SLMAP: variants seen among roughly 807,000 people sequenced by gnomAD.
The protein encoded by SLMAP is sarcolemmal membrane-associated protein.
A neutral mutation model predicts 128.8 loss-of-function variants in SLMAP; 44 were observed. The observed-to-expected ratio is 0.34, with a 90% CI of 0.27 to 0.44. The LOEUF (loss-of-function observed/expected upper bound fraction) is 0.44. Ranked by LOEUF, SLMAP falls within the 20% of genes least tolerant of loss-of-function variation. The probability of loss-of-function intolerance (pLI) is 1.00; values close to 1 mark genes in which losing one functional copy is unlikely to be tolerated. For missense variants in SLMAP, 787 were observed against 985.3 expected, an observed-to-expected ratio of 0.80 and a Z score of 2.69; for synonymous variants, 327 against 348.8, an observed-to-expected ratio of 0.94 and a Z score of 0.70.
intron 24 of SLMAP, 21 bp from the exon 25 acceptor site, chr3:57,927,275 T>C (rs749897257): frequency 6.4e-7 from 1 of 1,559,878 alleles, no homozygotes; most frequent in Non-Finnish European, 8.8e-7. Context: ...TGATATTGAC[T>C]CTTGGTTTCT....
intron 2 of SLMAP, among the ~76,000 whole-genome samples, chr3:57,779,821 TATC>T (rs1396606881): frequency 6.6e-6 from 1 of 152,048 alleles, no homozygotes; most frequent in Non-Finnish European, 1.5e-5. Flanking sequence ...TGGTAGACCT[TATC>T]ATCAAATCCA....
At chr3:57,847,133 C>G in intron 4 of SLMAP, 64 bp from the exon 5 acceptor site, 2 of 978,322 alleles carry the variant, frequency 2.0e-6, no homozygotes, top group Non-Finnish European at 3.2e-6. Context: ...TATTCTGGTG[C>G]TCTCATACTC....
At chr3:57,811,397 A>G (rs889937541) in intron 2 of SLMAP, among the ~76,000 whole-genome samples, 6 of 152,178 alleles carry the variant, frequency 3.9e-5, no homozygotes, top group African/African-American at 1.2e-4. Flanking sequence ...AGGTTAATCC[A>G]TGTTGTAGCA....
At chr3:57,878,305 C>T (rs1428609050) in intron 14 of SLMAP, among the ~76,000 whole-genome samples, 1 of 152,156 alleles carries the variant, frequency 6.6e-6, no homozygotes, top group East Asian at 1.9e-4. Context: ...CAGAGCCTCT[C>T]CTATGAGGTT....
chr3:57,828,337 A>G (rs559664095), intron 2 of SLMAP, among the ~76,000 whole-genome samples: 3 of 152,224 alleles, frequency 2.0e-5, no homozygotes, highest in Non-Finnish European at 4.4e-5. Context: ...AGACTGATTA[A>G]TGGTAAATTG....
intron 2 of SLMAP, among the ~76,000 whole-genome samples, chr3:57,798,836 A>T (rs933115180): frequency 2.6e-5 from 4 of 152,208 alleles, no homozygotes; most frequent in Admixed American, 6.5e-5. Flanking sequence ...CACTGTCTAT[A>T]TGAGATAAGT....
chr3:57,885,244 G>C (rs2095849414), intron 14 of SLMAP, among the ~76,000 whole-genome samples: 1 of 150,924 alleles, frequency 6.6e-6, no homozygotes, highest in Non-Finnish European at 1.5e-5. Context: ...GGCTAAATTT[G>C]TATTTTTAGT....
intron 6 of SLMAP, among the ~76,000 whole-genome samples, chr3:57,853,889 C>T (rs1405540085): frequency 2.9e-5 from 4 of 137,508 alleles, no homozygotes; most frequent in South Asian, 2.3e-4. Flanking sequence ...TGCGGTGAGC[C>T]GAGATCATGC....
rs142383045 is a variant in SLMAP, at chr3:57,794,252, G to A, written c.198+36403G>A. On this transcript the variant is annotated intron_variant, in intron 2 of 24. Transcript: ENST00000671191. ...TCTGTTCGTACGCTATACTCTCCTG[G>A]TTCTTAATTTTCTGACAGTTTTGGC... Among the ~76,000 whole-genome samples the A allele has an allele frequency of 7.6e-4, 115 of 151,926 alleles. 1 individual carries two copies. Among genetic ancestry groups the A allele is most frequent in the African/African-American group, 2.3e-3 (95 of 41,402 alleles).
intron 12 of SLMAP, 72 bp from the exon 13 acceptor site, chr3:57,865,170 A>G (rs2095262434): frequency 2.5e-6 from 2 of 784,660 alleles, no homozygotes; most frequent in Admixed American, 3.0e-5. Context: ...GCAGAATGCC[A>G]TGGTTACACT....
At position 57,865,223 on chromosome 3, in the gene SLMAP, T is replaced by C. The variant is rs1230801674; in HGVS notation, c.1187-19T>C. 18 of 1,366,644 alleles carry C rather than the reference T, an allele frequency of 1.3e-5. No individual in the cohort carries two copies. The highest frequency in any genetic ancestry group is 1.0e-6 in the Non-Finnish European group (1 of 995,268). The allele number at this position is 1,366,644 out of a possible 1,614,324, so 84.7% of individuals were successfully genotyped here. A position where few individuals can be genotyped will look rare whatever the true frequency, so the allele number is the denominator to read the frequency against. On this transcript the variant is annotated intron_variant, in intron 12 of 24. Coordinates refer to ENST00000671191, the MANE Select transcript of SLMAP (RefSeq NM_001377540.1). ...TAATACTTCTTTGATCAGGCAATGATATACTGTCTTAATCCTAGGGATACA... is the reference window on the plus strand; with the variant it reads ...TAATACTTCTTTGATCAGGCAATGACATACTGTCTTAATCCTAGGGATACA...
At chr3:57,825,489 T>C (rs1473750469) in intron 2 of SLMAP, among the ~76,000 whole-genome samples, 1 of 151,470 alleles carries the variant, frequency 6.6e-6, no homozygotes, top group Admixed American at 6.6e-5. Flanking sequence ...ATTGAGATGA[T>C]TGTGTGTTTT....
chr3:57,888,429 C>T (rs1489617751), intron 14 of SLMAP, among the ~76,000 whole-genome samples: 1 of 151,938 alleles, frequency 6.6e-6, no homozygotes, highest in Non-Finnish European at 1.5e-5. Flanking sequence ...TCATCCTGGC[C>T]AACATGGTGA....
intron 14 of SLMAP, 149 bp from the exon 15 acceptor site, chr3:57,889,892 C>A (rs1043565668): frequency 3.0e-5 from 16 of 541,268 alleles, no homozygotes; most frequent in Non-Finnish European, 4.7e-5. Context: ...TCTCTTAGTT[C>A]CCCTTCCAGA....
intron 2 of SLMAP, among the ~76,000 whole-genome samples, chr3:57,786,287 G>C (rs1046057457): frequency 3.3e-5 from 5 of 152,184 alleles, no homozygotes; most frequent in Non-Finnish European, 7.3e-5. Context: ...TGAAGGAGCA[G>C]CTCCTATCTG....
chr3:57,786,731 A>ATTTT (rs35138483), intron 2 of SLMAP, among the ~76,000 whole-genome samples: 3 of 88,746 alleles, frequency 3.4e-5, no homozygotes, highest in Non-Finnish European at 6.5e-5. Context: ...TAGTCTTTGT[A>ATTTT]TTTTTTTTTT....
At chr3:57,818,822 T>A (rs116185083) in intron 2 of SLMAP, among the ~76,000 whole-genome samples, 1 of 152,240 alleles carries the variant, frequency 6.6e-6, no homozygotes, top group Non-Finnish European at 1.5e-5. Flanking sequence ...TAGGGACTTA[T>A]GTTTAAGTCA....
rs2077759098 is a variant in SLMAP at position 57,756,793 on chromosome 3, C to T, written c.-859C>T. ...GCGGCGGCCCAGAAGCCTAGGCGTC[C>T]GGGGACCAACTTCCTGCCGCCTGGG... is the stretch of plus-strand genomic sequence containing the variant. On this transcript the variant is annotated 5_prime_UTR_variant, in exon 2 of 25. Coordinates refer to ENST00000671191, the MANE Select transcript of SLMAP (RefSeq NM_001377540.1). 1 of 152,284 alleles carries T rather than the reference C, an allele frequency of 6.6e-6. No individual in the cohort carries two copies. The highest frequency in any genetic ancestry group is 2.4e-5 in the African/African-American group (1 of 41,460). The allele number at this position is 152,284 out of a possible 1,614,324, so 9.4% of individuals were successfully genotyped here.
In SLMAP at chr3:57,927,453, C is replaced by G. The variant is rs1298077105; in HGVS notation, c.*164C>G. 1.1e-5 allele frequency: 10 copies of G among 910,360 alleles called. No individual in the cohort carries two copies. Among genetic ancestry groups the G allele is most frequent in the African/African-American group, 1.6e-5 (1 of 61,674 alleles). The allele number at this position is 910,360 out of a possible 1,614,324, so 56.4% of individuals were successfully genotyped here. On this transcript the variant is annotated 3_prime_UTR_variant, in exon 25 of 25. Transcript: ENST00000671191. ...GCTGGCATCACACTCATGCTGGGGA[C>G]AAACAGAACCATTTTCTTCCTCTTT...
Sources: gnomAD v4.1 joint callset for allele counts (sites outside exome capture counted in the v4.1 genomes callset) on GRCh38, gnomAD v4.1.1 for gene constraint, MANE v1.5 for transcripts, NCBI Gene and HGNC (gene_info 2026-07-23, HGNC 2026-07-21) for gene names.